The following ZNF19 variants were observed in gnomAD, a reference collection of about 807,000 sequenced individuals.
ZNF19 encodes the protein zinc finger protein 19 (KOX 12).
Under a neutral mutation model 13.1 loss-of-function variants are expected in ZNF19, and 11 were observed. The ratio of observed to expected loss-of-function variants is 0.84; its 90% confidence interval spans 0.53 to 1.39. ZNF19 has a LOEUF of 1.39. ZNF19 is among the 40% of genes most tolerant of loss of function. The probability of loss-of-function intolerance (pLI) is 0.00; values close to 1 mark genes in which losing one functional copy is unlikely to be tolerated. For missense variants in ZNF19, 560 were observed against 547.0 expected (o/e 1.02, Z -0.24); for synonymous variants, 186 against 187.0 (o/e 0.99, Z 0.04).
intron 1 of ZNF19, among the ~76,000 whole-genome samples, chr16:71,485,692 G>T: frequency 6.6e-6 from 1 of 151,796 alleles, no homozygotes; most frequent in Admixed American, 6.6e-5. Context: ...AGGCAAGAAG[G>T]TGAAAGAATT....
At chr16:71,489,087 C>G (rs894272875) in intron 1 of ZNF19, 185 bp downstream of exon 1, 2 of 247,084 alleles carry the variant, frequency 8.1e-6, no homozygotes, top group African/African-American at 4.6e-5. Flanking sequence ...AGTTCGTGAG[C>G]GGCAAAGCTT....
In ZNF19 at chr16:71,484,732, CG is replaced by C. The variant is rs2043664069; in HGVS notation, c.-174del. On this transcript the variant is annotated 5_prime_UTR_variant, in exon 2 of 6. Transcript: ENST00000288177. ...TTTACTCCCGGGAGGAGTTTCCACCCGGGGATCCTCAGAGACCTTGAATAGG... is the reference window on the plus strand; with the variant it reads ...TTTACTCCCGGGAGGAGTTTCCACCCGGGATCCTCAGAGACCTTGAATAGG... The C allele has an allele frequency of 2.0e-6, 2 of 985,328 alleles. 1 individual carries two copies. Among genetic ancestry groups the C allele is most frequent in the South Asian group, 9.4e-5 (2 of 21,274 alleles). The allele number at this position is 985,328 out of a possible 1,614,324, so 61.0% of individuals were successfully genotyped here.
rs180875464 is a variant in ZNF19 at position 71,483,720 on chromosome 16, G to T, written c.-30+869C>A. Among the ~76,000 whole-genome samples, 140 of 152,244 alleles carry T rather than the reference G, an allele frequency of 9.2e-4. 1 individual carries two copies. Among genetic ancestry groups the T allele is most frequent in the Non-Finnish European group, 1.5e-3 (101 of 68,028 alleles). On this transcript the variant is annotated intron_variant, in intron 2 of 5. Coordinates refer to ENST00000288177, the MANE Select transcript of ZNF19 (RefSeq NM_006961.4). Reference sequence around the variant, plus strand: ...AGTTTGAAATTATATATTGATTTGTGCTTTCTTCATTCAACAAATATTTAT... The same window carrying T: ...AGTTTGAAATTATATATTGATTTGTTCTTTCTTCATTCAACAAATATTTAT...
intron 1 of ZNF19, among the ~76,000 whole-genome samples, chr16:71,487,685 G>A (rs2043688946): frequency 6.6e-6 from 1 of 152,122 alleles, no homozygotes; most frequent in African/African-American, 2.4e-5. Flanking sequence ...ATCAGATCAT[G>A]ATACCCAGAG....
At position 71,475,802 on chromosome 16, in the gene ZNF19, C is replaced by A; in HGVS notation, c.745G>T (p.Glu249Ter). Residue 249 changes from glutamate (E) to a stop codon, truncating the protein, a stop_gained, in exon 6 of 6, where the codon GAG becomes TAG. Coordinates refer to ENST00000288177, the MANE Select transcript of ZNF19 (RefSeq NM_006961.4). LOFTEE classifies it low-confidence loss of function (END_TRUNC). ...CTACTCGTGAAACTATTCCCACACT[C>A]TGTACAGTAATAGGGTCTGTCCCCA... ...HSGDRPYYCT[E>*]CGNSFTSSSE... 2 of 1,612,940 alleles carry A rather than the reference C, an allele frequency of 1.2e-6. No homozygotes were observed. The highest frequency in any genetic ancestry group is 1.7e-6 in the Non-Finnish European group (2 of 1,179,162).
At chr16:71,480,957 T>C (rs530830575) in intron 3 of ZNF19, among the ~76,000 whole-genome samples, 2 of 152,296 alleles carry the variant, frequency 1.3e-5, no homozygotes, top group East Asian at 1.9e-4. Context: ...GATGGAAAGG[T>C]GCACAACTAT....
intron 1 of ZNF19, 148 bp from the exon 2 acceptor site, chr16:71,484,896 T>G (rs1165856068): frequency 1.7e-5 from 4 of 231,212 alleles, no homozygotes; most frequent in African/African-American, 9.3e-5. Flanking sequence ...CATATCACAT[T>G]ACAGTTGATG....
intron 5 of ZNF19, 109 bp from the exon 6 acceptor site, chr16:71,476,381 T>C: frequency 7.8e-7 from 1 of 1,276,838 alleles, no homozygotes; most frequent in Non-Finnish European, 1.0e-6. Context: ...AACTTTCACA[T>C]CAGCATGCTG....
At position 71,484,622 on chromosome 16, in the gene ZNF19, A is replaced by G. The variant is rs1378781987; in HGVS notation, c.-63T>C. On this transcript the variant is annotated 5_prime_UTR_variant, in exon 2 of 6. Transcript: ENST00000288177. ...AAACAGAAAGCGGTGCGTGAACGGA[A>G]GTGCGTCACTACTTTGGCCTTGCAC... 1.0e-6 allele frequency: 1 copy of G among 985,496 alleles called. No individual in the cohort carries two copies. The allele number at this position is 985,496 out of a possible 1,614,324, so 61.0% of individuals were successfully genotyped here.
At chr16:71,483,728 C>A (rs1341541174) in intron 2 of ZNF19, among the ~76,000 whole-genome samples, 5 of 152,192 alleles carry the variant, frequency 3.3e-5, no homozygotes, top group African/African-American at 9.6e-5. Context: ...GTGCTTTCTT[C>A]ATTCAACAAA....
chr16:71,482,441 C>T, intron 2 of ZNF19: 1 of 282,994 alleles, frequency 3.5e-6, no homozygotes, highest in Non-Finnish European at 6.7e-6. Context: ...CGAAACCTAA[C>T]AAGAAGAATC....
chr16:71,477,687 C>T (rs909001822), intron 5 of ZNF19, among the ~76,000 whole-genome samples: 9 of 152,240 alleles, frequency 5.9e-5, no homozygotes, highest in Admixed American at 2.0e-4. Context: ...CTTGCCTATT[C>T]TAAAGGCACC....
At position 71,489,262 on chromosome 16, in the gene ZNF19, A is replaced by T; in HGVS notation, c.-190+10T>A. The T allele has an allele frequency of 1.0e-6, 1 of 985,570 alleles. No individual in the cohort carries two copies. Among genetic ancestry groups the T allele is most frequent in the East Asian group, 1.1e-4 (1 of 8,818 alleles). The allele number at this position is 985,570 out of a possible 1,614,324, so 61.1% of individuals were successfully genotyped here. ...GCTCCGCCCAACTGTGGGTCCTTGC[A>T]CTTTGGCACCTTTGAGCGCGGACTC... On this transcript the variant is annotated intron_variant, in intron 1 of 5. Transcript: ENST00000288177.
At chr16:71,484,847 G>A (rs2043665118) in intron 1 of ZNF19, 99 bp from the exon 2 acceptor site, 4 of 495,936 alleles carry the variant, frequency 8.1e-6, no homozygotes, top group African/African-American at 2.1e-5. Flanking sequence ...AGTATCAGCC[G>A]TATCTGTGAC....
In ZNF19 at chr16:71,475,185, G is replaced by A. The variant is rs765978266; in HGVS notation, c.1362C>T (p.Thr454=). ...GAGTGTACTATTACCAGTAAAAGGG[G>A]GTAAAAAATTCTGGGAGGCCAAAAC... ...ICRFGLPEFF[T]PFYW is the part of the protein sequence containing the mutation. Residue 454 remains threonine, a synonymous_variant, in exon 6 of 6, where the codon ACC becomes ACT. Transcript: ENST00000288177. 1.2e-6 allele frequency: 2 copies of A among 1,600,738 alleles called. No individual in the cohort carries two copies. Among genetic ancestry groups the A allele is most frequent in the South Asian group, 2.2e-5 (2 of 89,114 alleles).
At chr16:71,482,249 TCACTG>T in intron 2 of ZNF19, 106 bp from the exon 3 acceptor site, 2 of 980,492 alleles carry the variant, frequency 2.0e-6, no homozygotes, top group Non-Finnish European at 3.2e-6. Context: ...TACTAAATGC[TCACTG>T]GGTTAGTGGT....
chr16:71,474,155 G>GC lies in ZNF19; in HGVS notation c.*1014dup, dbSNP rs1423793646. The GC allele has an allele frequency of 3.3e-5, 5 of 152,288 alleles. No individual in the cohort carries two copies. Among genetic ancestry groups the GC allele is most frequent in the African/African-American group, 1.2e-4 (5 of 41,552 alleles). The allele number at this position is 152,288 out of a possible 1,614,324, so 9.4% of individuals were successfully genotyped here. The stretch of plus-strand genomic sequence containing the variant: ...TTTGTGTTCATCACCAAAGAAAAGG[G>GC]CCAGCCCTGTTTTCCTACTGAGAGA... On this transcript the variant is annotated 3_prime_UTR_variant, in exon 6 of 6. Transcript: ENST00000288177.
rs564576771 is a variant in ZNF19, at chr16:71,474,862, TC to T, written c.*307del. 2.1e-4 allele frequency: 63 copies of T among 304,472 alleles called. No individual in the cohort carries two copies. The highest frequency in any genetic ancestry group is 3.3e-4 in the Non-Finnish European group (55 of 165,372). The allele number at this position is 304,472 out of a possible 1,614,324, so 18.9% of individuals were successfully genotyped here. On this transcript the variant is annotated 3_prime_UTR_variant, in exon 6 of 6. Transcript: ENST00000288177. ...GTATGTGGCTGTTCAAACATTATCT[TC>T]AGTCTTTTACTGCTCTCCAATTCTC...
chr16:71,479,985 GT>G (rs1357206437), intron 3 of ZNF19, among the ~76,000 whole-genome samples: 1 of 151,982 alleles, frequency 6.6e-6, no homozygotes, highest in African/African-American at 2.4e-5. Context: ...TAGAGACAAG[GT>G]TTTGCCACGT....
Sources: allele counts gnomAD v4.1 joint callset (sites outside exome capture counted in the v4.1 genomes callset), GRCh38; gene constraint gnomAD v4.1.1; transcripts MANE v1.5; gene names NCBI Gene and HGNC (gene_info 2026-07-23, HGNC 2026-07-21).